CNTN3: variants seen among roughly 807,000 people sequenced by gnomAD.
CNTN3 encodes contactin-3.
CNTN3 carries 60 observed loss-of-function variants against 119.1 expected under a neutral mutation model. That is an observed-to-expected ratio of 0.50 (90% confidence interval 0.41 to 0.62). The LOEUF (loss-of-function observed/expected upper bound fraction) is 0.62, where lower values mean the gene tolerates loss of function less well. CNTN3 is among the 20% of genes least tolerant of loss of function. The pLI, the probability that CNTN3 is intolerant of heterozygous loss-of-function variation, is 0.00. For synonymous variants in CNTN3, 450 were observed against 438.7 expected (o/e 1.03, Z -0.32); for missense variants, 1,101 against 1,242.4 (o/e 0.89, Z 1.71).
intron 5 of CNTN3, among the ~76,000 whole-genome samples, chr3:74,410,180 C>T (rs924991321): frequency 2.0e-5 from 3 of 152,162 alleles, no homozygotes; most frequent in African/African-American, 7.2e-5. Flanking sequence ...ACTCTCTACT[C>T]TTGTACTGCA....
intron 13 of CNTN3, among the ~76,000 whole-genome samples, chr3:74,318,781 C>T (rs1702903819): frequency 6.6e-6 from 1 of 152,088 alleles, no homozygotes; most frequent in Non-Finnish European, 1.5e-5. Context: ...GGGGTGCCTC[C>T]CAGTTAGGCT....
intron 4 of CNTN3, among the ~76,000 whole-genome samples, chr3:74,456,190 C>G (rs1702265703): frequency 6.6e-6 from 1 of 151,590 alleles, no homozygotes; most frequent in South Asian, 2.1e-4. Flanking sequence ...TATTGTATAA[C>G]TTTAATGTTT....
chr3:74,346,040 A>G (rs745747803), intron 11 of CNTN3, among the ~76,000 whole-genome samples: 7 of 152,184 alleles, frequency 4.6e-5, no homozygotes, highest in Non-Finnish European at 7.3e-5. Flanking sequence ...TTTGTGTATT[A>G]TTTGATAAAC....
At chr3:74,467,995 A>C (rs1430249056) in intron 4 of CNTN3, among the ~76,000 whole-genome samples, 1 of 152,202 alleles carries the variant, frequency 6.6e-6, no homozygotes, top group Non-Finnish European at 1.5e-5. Flanking sequence ...ATCGGAACAA[A>C]AGAAAACCCC....
In CNTN3 at chr3:74,365,572, C is replaced by T; in HGVS notation, c.1077G>A (p.Val359=). The change falls in exon 9 of 23, where the codon GTG becomes GTA. Residue 359 remains valine, a synonymous_variant. Coordinates refer to ENST00000263665, the MANE Select transcript of CNTN3 (RefSeq NM_020872.3). The part of the protein sequence containing the change: ...YRWLKNGAAL[V]LEERTQIENG... ...TAGGTCCATGTTACCTTACCTCTAG[C>T]ACCAGGGCTGCTCCATTTTTCAGCC... 1.2e-6 allele frequency: 2 copies of T among 1,613,258 alleles called. No homozygotes were observed. Among genetic ancestry groups the T allele is most frequent in the Middle Eastern group, 1.7e-4 (1 of 6,034 alleles).
At chr3:74,374,295 T>TA (rs959661051) in intron 5 of CNTN3, among the ~76,000 whole-genome samples, 6 of 151,608 alleles carry the variant, frequency 4.0e-5, no homozygotes, top group African/African-American at 1.2e-4. Context: ...TTTTTTTTTT[T>TA]AATAAAAAAA....
intron 2 of CNTN3, among the ~76,000 whole-genome samples, chr3:74,510,188 T>C (rs1036154325): frequency 1.3e-5 from 2 of 152,074 alleles, no homozygotes; most frequent in African/African-American, 4.8e-5. Context: ...CTTCAGACTT[T>C]CCTGAGACCA....
At chr3:74,459,239 CCTCA>C (rs1702321936) in intron 4 of CNTN3, among the ~76,000 whole-genome samples, 1 of 151,958 alleles carries the variant, frequency 6.6e-6, no homozygotes, top group Non-Finnish European at 1.5e-5. Flanking sequence ...CCCAGAGGGA[CCTCA>C]CTATCATCCT....
At chr3:74,569,268 G>A (rs1704274113) in intron 1 of CNTN3, among the ~76,000 whole-genome samples, 1 of 152,130 alleles carries the variant, frequency 6.6e-6, no homozygotes, top group Admixed American at 6.6e-5. Context: ...AAAATGCCTG[G>A]GAATTACACC....
At chr3:74,398,204 T>C (rs991841061) in intron 5 of CNTN3, among the ~76,000 whole-genome samples, 4 of 152,204 alleles carry the variant, frequency 2.6e-5, no homozygotes, top group Non-Finnish European at 5.9e-5. Context: ...TAGTATTGCA[T>C]GCTATGGATA....
At chr3:74,609,068 G>C (rs975460504) in intron 1 of CNTN3, among the ~76,000 whole-genome samples, 8 of 152,174 alleles carry the variant, frequency 5.3e-5, no homozygotes, top group Non-Finnish European at 7.3e-5. Context: ...AATAAGGAGA[G>C]TGGAGTGGAA....
intron 11 of CNTN3, among the ~76,000 whole-genome samples, chr3:74,344,396 G>GTTTTTTTTTTTTTTTT (rs1274539668): frequency 1.1e-5 from 1 of 87,812 alleles, no homozygotes; most frequent in Non-Finnish European, 2.3e-5. Context: ...CTTACACAGT[G>GTTTTTTTTTTTTTTTT]GTTTTTTTTT....
chr3:74,587,260 G>C (rs531435823), intron 1 of CNTN3, among the ~76,000 whole-genome samples: 1 of 152,000 alleles, frequency 6.6e-6, no homozygotes, highest in African/African-American at 2.4e-5. Context: ...GTTTACAAAT[G>C]TCATTGTTTT....
chr3:74,456,845 C>T (rs1047558227), intron 4 of CNTN3, among the ~76,000 whole-genome samples: 2 of 151,878 alleles, frequency 1.3e-5, no homozygotes, highest in Non-Finnish European at 2.9e-5. Context: ...TTGAAATGTT[C>T]TTTTTATGTT....
chr3:74,266,650 C>G lies in CNTN3; in HGVS notation c.2818-1G>C. 6.2e-7 allele frequency: 1 copy of G among 1,612,534 alleles called. No individual in the cohort carries two copies. Among genetic ancestry groups the G allele is most frequent in the Non-Finnish European group, 8.5e-7 (1 of 1,179,004 alleles). On this transcript the variant is annotated splice_acceptor_variant, in intron 21 of 22. Coordinates refer to ENST00000263665, the MANE Select transcript of CNTN3 (RefSeq NM_020872.3). LOFTEE classifies it high-confidence loss of function. Reference sequence around the variant, plus strand: ...TTTGACTGCTAGTCCTATAGAAAACCTAAAATGCATGAACAAATACACTTA... The same window carrying G: ...TTTGACTGCTAGTCCTATAGAAAACGTAAAATGCATGAACAAATACACTTA...
chr3:74,595,759 AT>A (rs1284162808), intron 1 of CNTN3, among the ~76,000 whole-genome samples: 1 of 152,188 alleles, frequency 6.6e-6, no homozygotes, highest in African/African-American at 2.4e-5. Flanking sequence ...AACTGGAAGT[AT>A]TCCCTTTGAA....
intron 1 of CNTN3, among the ~76,000 whole-genome samples, chr3:74,614,043 G>C (rs907616077): frequency 4.6e-5 from 7 of 152,122 alleles, no homozygotes; most frequent in African/African-American, 1.7e-4. Context: ...ACCTGGAATT[G>C]TTCCTCAGCA....
intron 1 of CNTN3, among the ~76,000 whole-genome samples, chr3:74,603,026 C>A (rs376687398): frequency 2.0e-5 from 3 of 152,268 alleles, no homozygotes; most frequent in East Asian, 3.9e-4. Flanking sequence ...ACTTAAAGTA[C>A]TTGCAACTGA....
Position 74,557,355 on chromosome 3 carries a change from C to T in CNTN3, c.-80-36163G>A, listed in dbSNP as rs552372773. On this transcript the variant is annotated intron_variant, in intron 1 of 22. Coordinates refer to ENST00000263665, the MANE Select transcript of CNTN3 (RefSeq NM_020872.3). Reference sequence around the variant, plus strand: ...TCCAACATCTTTGGCAGATGGATATCCAGTTTTCCCATCACTGTGATGGCA... The same window carrying T: ...TCCAACATCTTTGGCAGATGGATATTCAGTTTTCCCATCACTGTGATGGCA... 4.6e-5 allele frequency among the ~76,000 whole-genome samples: 7 copies of T among 152,130 alleles called. No homozygotes were observed. In the East Asian group the frequency reaches 9.7e-4, roughly 21 times the overall value.
Sources: gnomAD v4.1 joint callset for allele counts (sites outside exome capture counted in the v4.1 genomes callset) on GRCh38, gnomAD v4.1.1 for gene constraint, MANE v1.5 for transcripts, NCBI Gene and HGNC (gene_info 2026-07-23, HGNC 2026-07-21) for gene names.